Variants in MAP2 observed in about 807,000 individuals in gnomAD.
MAP2 encodes the protein microtubule-associated protein 2.
MAP2 carries 14 observed loss-of-function variants against 137.6 expected under a neutral mutation model. The ratio of observed to expected loss-of-function variants is 0.10; its 90% CI spans 0.07 to 0.16. MAP2 has a LOEUF of 0.16. MAP2 is among the 10% of genes least tolerant of loss of function. The probability of loss-of-function intolerance (pLI) is 1.00; values close to 1 mark genes in which losing one functional copy is unlikely to be tolerated. For synonymous variants in MAP2, 786 were observed against 782.3 expected, an observed-to-expected ratio of 1.00 and a Z score of -0.08; for missense variants, 2,088 against 2,191.5, an observed-to-expected ratio of 0.95 and a Z score of 0.94.
At chr2:209,686,472 T>C (rs1297250069) in intron 7 of MAP2, among the ~76,000 whole-genome samples, 1 of 152,226 alleles carries the variant, frequency 6.6e-6, no homozygotes, top group Non-Finnish European at 1.5e-5. Flanking sequence ...AAATCTGATA[T>C]AAATAAAAAC....
At chr2:209,574,522 A>G (rs932427962) in intron 2 of MAP2, among the ~76,000 whole-genome samples, 8 of 152,118 alleles carry the variant, frequency 5.3e-5, no homozygotes, top group African/African-American at 1.4e-4. Context: ...GATTGTTTAC[A>G]TATCTTAGCT....
In MAP2 at chr2:209,695,121, G is replaced by T. The variant is rs1299983560; in HGVS notation, c.2951G>T (p.Gly984Val). Residue 984 changes from glycine (G) to valine (V), a missense_variant, in exon 8 of 16, where the codon GGT becomes GTT. By Grantham distance (109) the Gly-to-Val change is moderately radical. Around this residue, in one of 6 missense-constraint regions of MAP2, gnomAD observed 500 missense variants for 482.9 expected, o/e 1.04. Transcript: ENST00000682079. Reference sequence around the variant, plus strand: ...CATGCCAAGAAAACTGAAGAGGCTGGTGATGAAATAGAAACATTCGGATTA... The same window carrying T: ...CATGCCAAGAAAACTGAAGAGGCTGTTGATGAAATAGAAACATTCGGATTA... Reference protein sequence around the residue: ...KEHAKKTEEAGDEIETFGLGV... With the variant: ...KEHAKKTEEAVDEIETFGLGV... 1.9e-6 allele frequency: 3 copies of T among 1,614,052 alleles called. No individual in the cohort carries two copies. Among genetic ancestry groups the T allele is most frequent in the East Asian group, 4.5e-5 (2 of 44,876 alleles).
At chr2:209,719,565 C>G (rs1481125832) in intron 13 of MAP2, among the ~76,000 whole-genome samples, 1 of 151,988 alleles carries the variant, frequency 6.6e-6, no homozygotes, top group Non-Finnish European at 1.5e-5. Context: ...TGTTTCAATC[C>G]TTTCCTAGAG....
intron 1 of MAP2, among the ~76,000 whole-genome samples, chr2:209,464,422 T>A (rs769786490): frequency 3.9e-5 from 6 of 152,168 alleles, no homozygotes; most frequent in Non-Finnish European, 8.8e-5. Flanking sequence ...ATTCAAATTA[T>A]ACTACTTAAT....
intron 2 of MAP2, among the ~76,000 whole-genome samples, chr2:209,563,459 T>C (rs1047264748): frequency 6.7e-6 from 1 of 149,578 alleles, no homozygotes; most frequent in African/African-American, 2.6e-5. Context: ...TTCATTGTTA[T>C]CTATAGAGAT....
At chr2:209,604,320 A>C (rs1171623885) in intron 3 of MAP2, among the ~76,000 whole-genome samples, 1 of 152,188 alleles carries the variant, frequency 6.6e-6, no homozygotes, top group Non-Finnish European at 1.5e-5. Context: ...GCACTAATCC[A>C]GATGAGCTAA....
At chr2:209,505,468 G>A (rs921736202) in intron 1 of MAP2, among the ~76,000 whole-genome samples, 10 of 152,162 alleles carry the variant, frequency 6.6e-5, no homozygotes, top group African/African-American at 2.4e-4. Context: ...TGGAAACAAG[G>A]TTTTTGTCAT....
intron 1 of MAP2, among the ~76,000 whole-genome samples, chr2:209,437,280 C>G (rs1490229739): frequency 6.6e-6 from 1 of 151,522 alleles, no homozygotes; most frequent in Non-Finnish European, 1.5e-5. Context: ...CTTTAGTGGT[C>G]CTGGTAGGAA....
chr2:209,721,362 T>G (rs1439765114), intron 13 of MAP2, among the ~76,000 whole-genome samples: 1 of 152,194 alleles, frequency 6.6e-6, no homozygotes, highest in Admixed American at 6.5e-5. Context: ...TATGGAAATA[T>G]GTAAAGAAAG....
chr2:209,602,835 T>C (rs1489614619), intron 3 of MAP2, among the ~76,000 whole-genome samples: 1 of 152,166 alleles, frequency 6.6e-6, no homozygotes. Flanking sequence ...ACATTATAAT[T>C]CTCTACCAAA....
chr2:209,461,364 G>T (rs1702763503), intron 1 of MAP2, among the ~76,000 whole-genome samples: 1 of 152,170 alleles, frequency 6.6e-6, no homozygotes, highest in South Asian at 2.1e-4. Flanking sequence ...CAGACAGTAT[G>T]GATTCACATA....
chr2:209,451,450 G>A (rs1024741581), intron 1 of MAP2, among the ~76,000 whole-genome samples: 5 of 152,168 alleles, frequency 3.3e-5, no homozygotes, highest in Admixed American at 3.3e-4. Flanking sequence ...GTGCCTCCCA[G>A]GTAAGTAGTT....
intron 2 of MAP2, among the ~76,000 whole-genome samples, chr2:209,532,136 G>C (rs747330905): frequency 6.9e-4 from 105 of 151,776 alleles, no homozygotes; most frequent in African/African-American, 2.4e-3. Context: ...TACTCAGGAG[G>C]CTGAAGCAGG....
intron 2 of MAP2, among the ~76,000 whole-genome samples, chr2:209,530,847 T>C (rs528231212): frequency 1.3e-5 from 2 of 152,282 alleles, no homozygotes; most frequent in African/African-American, 4.8e-5. Context: ...TTTTGACCCA[T>C]GTCTGTTGGG....
At chr2:209,522,523 C>A (rs1439262910) in intron 2 of MAP2, among the ~76,000 whole-genome samples, 1 of 152,050 alleles carries the variant, frequency 6.6e-6, no homozygotes, top group East Asian at 1.9e-4. Flanking sequence ...TTAAAAATAA[C>A]TTTTGAAAGT....
chr2:209,486,772 A>G (rs1394096081), intron 1 of MAP2, among the ~76,000 whole-genome samples: 2 of 152,246 alleles, frequency 1.3e-5, no homozygotes, highest in East Asian at 3.8e-4. Context: ...AGCTATTTTC[A>G]TTCCAATATA....
intron 2 of MAP2, among the ~76,000 whole-genome samples, chr2:209,542,561 A>G (rs2067243665): frequency 6.6e-6 from 1 of 152,270 alleles, no homozygotes; most frequent in Non-Finnish European, 1.5e-5. Context: ...AGGTTGTTTT[A>G]TCTACATTAA....
At chr2:209,547,387 GT>G (rs976119708) in intron 2 of MAP2, among the ~76,000 whole-genome samples, 39 of 151,946 alleles carry the variant, frequency 2.6e-4, no homozygotes, top group African/African-American at 8.9e-4. Context: ...CTTCCACTTA[GT>G]TTTTAAGTTC....
At position 209,593,637 on chromosome 2, in the gene MAP2, ATAT is replaced by A. The variant is rs1559371091; in HGVS notation, c.-107+13538_-107+13540del. Among the ~76,000 whole-genome samples the A allele has an allele frequency of 9.5e-3, 302 of 31,796 alleles. 38 individuals carry two copies. Among genetic ancestry groups the A allele is most frequent in the African/African-American group, 0.021 (145 of 6,800 alleles). 20.9% of individuals were successfully genotyped at this position (31,796 alleles called of 152,430 possible). On this transcript the variant is annotated intron_variant, in intron 3 of 15. Transcript: ENST00000682079. The stretch of plus-strand genomic sequence containing the variant: ...GTCTCTACAAAAAAAAAAAAAAAAT[ATAT>A]ATATATATATATATATATATATATA...
Sources: gnomAD v4.1 joint callset for allele counts (sites outside exome capture counted in the v4.1 genomes callset) on GRCh38, gnomAD v4.1.1 for gene constraint, gnomAD v4.1.1 regional missense constraint, MANE v1.5 for transcripts, NCBI Gene and HGNC (gene_info 2026-07-23, HGNC 2026-07-21) for gene names.